The following PLXDC1 variants were observed in gnomAD, a reference collection of about 807,000 sequenced individuals.
The protein encoded by PLXDC1 is plexin domain containing 1.
PLXDC1 carries 39 observed loss-of-function variants against 61.3 expected under a neutral mutation model. The observed-to-expected ratio is 0.64, with a 90% CI of 0.49 to 0.83. PLXDC1 has a LOEUF of 0.83. PLXDC1 is among the 40% of genes least tolerant of loss of function. The probability of loss-of-function intolerance (pLI) is 0.00; values close to 1 mark genes in which losing one functional copy is unlikely to be tolerated. For synonymous variants in PLXDC1, 212 were observed against 254.5 expected (o/e 0.83, Z 1.59); for missense variants, 596 against 666.5 (o/e 0.89, Z 1.17).
intron 9 of PLXDC1, among the ~76,000 whole-genome samples, chr17:39,081,768 C>T (rs188278675): frequency 2.0e-5 from 3 of 152,210 alleles, no homozygotes; most frequent in African/African-American, 7.2e-5. Context: ...CAAAGTGAGA[C>T]CCCATCTCTA....
At chr17:39,075,469 A>G (rs1267641048) in intron 11 of PLXDC1, among the ~76,000 whole-genome samples, 1 of 152,188 alleles carries the variant, frequency 6.6e-6, no homozygotes, top group Non-Finnish European at 1.5e-5. Context: ...GGTTGAGGGG[A>G]AAGATCTCTG....
At chr17:39,092,286 C>G (rs1399963955) in intron 7 of PLXDC1, among the ~76,000 whole-genome samples, 2 of 152,106 alleles carry the variant, frequency 1.3e-5, no homozygotes, top group Non-Finnish European at 2.9e-5. Flanking sequence ...ACTACCCAGG[C>G]TGGTCTCCAA....
At chr17:39,140,743 T>C (rs1911911539) in intron 1 of PLXDC1, among the ~76,000 whole-genome samples, 1 of 152,216 alleles carries the variant, frequency 6.6e-6, no homozygotes, top group African/African-American at 2.4e-5. Flanking sequence ...TAATCCTATT[T>C]CCCAGTGGGG....
chr17:39,098,964 C>G (rs1342818238), intron 7 of PLXDC1, among the ~76,000 whole-genome samples: 1 of 152,106 alleles, frequency 6.6e-6, no homozygotes, highest in African/African-American at 2.4e-5. Flanking sequence ...TTTGACCTGA[C>G]CTGTGGGCAG....
chr17:39,069,078 C>T (rs1264597826), intron 13 of PLXDC1, among the ~76,000 whole-genome samples: 2 of 152,124 alleles, frequency 1.3e-5, no homozygotes, highest in South Asian at 4.1e-4. Context: ...CAGAGGGCAG[C>T]TCTTATCATT....
chr17:39,078,270 C>G (rs758313304), intron 10 of PLXDC1, among the ~76,000 whole-genome samples: 1 of 152,174 alleles, frequency 6.6e-6, no homozygotes, highest in African/African-American at 2.4e-5. Context: ...AAAGCCCAGA[C>G]TCAGACTAAT....
chr17:39,147,086 G>T (rs2143989211), intron 1 of PLXDC1, among the ~76,000 whole-genome samples: 1 of 150,442 alleles, frequency 6.6e-6, no homozygotes, highest in South Asian at 2.1e-4. Context: ...CTCCCAAGTA[G>T]CTGGGATTAC....
At chr17:39,116,885 G>C (rs1910985639) in intron 2 of PLXDC1, among the ~76,000 whole-genome samples, 1 of 152,226 alleles carries the variant, frequency 6.6e-6, no homozygotes. Context: ...CTCGCACCAA[G>C]AGTGGAACAC....
At chr17:39,151,980 C>A (rs2045376814), upstream of PLXDC1, among the ~76,000 whole-genome samples, 1 of 152,116 alleles carries the variant, frequency 6.6e-6, no homozygotes. This position sits in a 1 kb window ranked among gnomAD's most constrained non-coding sequence, Gnocchi z 5.2. Flanking sequence ...ATCCCTGGGT[C>A]ACGGGCCCCT....
At chr17:39,077,322 G>A (rs80314526) in intron 11 of PLXDC1, among the ~76,000 whole-genome samples, 1,952 of 152,254 alleles carry the variant, frequency 0.013, 60 homozygotes, top group African/African-American at 0.044. Context: ...GTGCATTCAC[G>A]GGGATGGACC....
rs1304570232 is a variant in PLXDC1, at chr17:39,066,743, C to G, written c.*1097G>C. 6.6e-6 allele frequency: 1 copy of G among 152,150 alleles called. No individual in the cohort carries two copies. Among genetic ancestry groups the G allele is most frequent in the Non-Finnish European group, 1.5e-5 (1 of 68,034 alleles). 9.4% of individuals were successfully genotyped at this position (152,150 alleles called of 1,614,324 possible). On this transcript the variant is annotated 3_prime_UTR_variant, in exon 14 of 14. Coordinates refer to ENST00000315392, the MANE Select transcript of PLXDC1 (RefSeq NM_020405.5). ...TGGGATACAGGCAAGCGTCACCACA[C>G]CCAGCTAATTTTTTGTATTTTTAGT...
intron 2 of PLXDC1, among the ~76,000 whole-genome samples, chr17:39,123,471 T>C (rs1911227093): frequency 6.6e-6 from 1 of 152,204 alleles, no homozygotes; most frequent in African/African-American, 2.4e-5. Context: ...ATTACAGGCA[T>C]GAGCCACCGC....
At chr17:39,144,738 T>C (rs1031900471) in intron 1 of PLXDC1, 1 of 152,174 alleles carries the variant, frequency 6.6e-6, no homozygotes, top group African/African-American at 2.4e-5. Flanking sequence ...CTGGACCCGT[T>C]CCCCGCCTGC....
intron 11 of PLXDC1, among the ~76,000 whole-genome samples, chr17:39,077,376 G>A (rs1039735663): frequency 6.6e-6 from 1 of 152,160 alleles, no homozygotes; most frequent in African/African-American, 2.4e-5. Flanking sequence ...AGGTAGCAGG[G>A]AAGCCCCTAG....
chr17:39,139,612 C>A lies in PLXDC1; in HGVS notation c.255+42G>T, dbSNP rs368648911. The A allele has an allele frequency of 1.3e-4, 193 of 1,534,690 alleles. No homozygotes were observed. In the African/African-American group the frequency reaches 2.2e-3, roughly 18 times the overall value. On this transcript the variant is annotated intron_variant, in intron 2 of 13. Coordinates refer to ENST00000315392, the MANE Select transcript of PLXDC1 (RefSeq NM_020405.5). ...CTGGGGCAGCTGGTGAGACCTCCCC[C>A]ACCCCCACTTCGCTCCCCCTCCATG...
intron 2 of PLXDC1, among the ~76,000 whole-genome samples, chr17:39,114,893 A>C (rs1467392705): frequency 6.6e-6 from 1 of 152,176 alleles, no homozygotes; most frequent in Non-Finnish European, 1.5e-5. Context: ...GCTTTCCCCA[A>C]ACCTCCGGGC....
chr17:39,086,859 C>CAAAAAAAAAAAAAAAAA (rs765774886), intron 8 of PLXDC1, among the ~76,000 whole-genome samples: 6 of 71,488 alleles, frequency 8.4e-5, no homozygotes, highest in Non-Finnish European at 1.2e-4. Context: ...GAGACTGTCT[C>CAAAAAAAAAAAAAAAAA]AAAAAAAAAA....
At chr17:39,108,842 G>C in intron 4 of PLXDC1, 62 bp downstream of exon 4, 1 of 1,114,144 alleles carries the variant, frequency 9.0e-7, no homozygotes, top group Admixed American at 1.8e-5. Context: ...ACCCCTGGGA[G>C]GGCCCCTGAG....
chr17:39,089,313 C>G (rs771123360), intron 7 of PLXDC1, among the ~76,000 whole-genome samples: 6 of 152,190 alleles, frequency 3.9e-5, no homozygotes, highest in Non-Finnish European at 7.3e-5. Context: ...TCAGAGACCT[C>G]CCCTGGGACT....
Sources: gnomAD v4.1 joint callset for allele counts (sites outside exome capture counted in the v4.1 genomes callset) on GRCh38, gnomAD v4.1.1 for gene constraint, Gnocchi (gnomAD v3.1) non-coding constraint, MANE v1.5 for transcripts, NCBI Gene and HGNC (gene_info 2026-07-23, HGNC 2026-07-21) for gene names.